Variants in GRIN2A observed in about 807,000 individuals in gnomAD.
GRIN2A encodes the protein glutamate ionotropic receptor NMDA type subunit 2A.
GRIN2A carries 22 observed loss-of-function variants against 113.4 expected under a neutral mutation model. That is an observed-to-expected ratio of 0.19 (90% CI 0.14 to 0.28). The LOEUF (loss-of-function observed/expected upper bound fraction) is 0.28. GRIN2A is among the 10% of genes least tolerant of loss of function. GRIN2A has a pLI of 1.00. For synonymous variants in GRIN2A, 827 were observed against 738.4 expected (o/e 1.12, Z -1.94); for missense variants, 1,502 against 1,887.0 (o/e 0.80, Z 3.78).
At chr16:9,897,435 G>A (rs1257695743) in intron 3 of GRIN2A, among the ~76,000 whole-genome samples, 1 of 151,754 alleles carries the variant, frequency 6.6e-6, no homozygotes, top group Non-Finnish European at 1.5e-5. Context: ...ATATAAACGG[G>A]GCCAGAATTG....
intron 2 of GRIN2A, among the ~76,000 whole-genome samples, chr16:9,957,464 T>C (rs976618896): frequency 6.6e-6 from 1 of 152,176 alleles, no homozygotes; most frequent in Non-Finnish European, 1.5e-5. Flanking sequence ...TTTAATAAAC[T>C]TTTTTCATGC....
In GRIN2A at chr16:10,180,709, A is replaced by C. The variant is rs1182282628; in HGVS notation, c.-18-280T>G. The stretch of plus-strand genomic sequence containing the variant: ...TGTCTCCAGGCACTTCCCCATCCCC[A>C]TCTCTGTCCATATCCCCCACCGCAT... On this transcript the variant is annotated intron_variant, in intron 1 of 12. Coordinates refer to ENST00000330684, the MANE Select transcript of GRIN2A (RefSeq NM_001134407.3). This position sits in a 1 kb window ranked among gnomAD's most constrained non-coding sequence, Gnocchi z 7.0. The C allele has an allele frequency of 1.9e-5, 10 of 535,628 alleles. No individual in the cohort carries two copies. The highest frequency in any genetic ancestry group is 8.1e-5 in the African/African-American group (4 of 49,164). 33.2% of individuals were successfully genotyped at this position (535,628 alleles called of 1,614,324 possible).
At chr16:9,800,136 G>A (rs180790848) in intron 10 of GRIN2A, among the ~76,000 whole-genome samples, 44 of 152,018 alleles carry the variant, frequency 2.9e-4, no homozygotes, top group African/African-American at 8.9e-4. Flanking sequence ...CACCACTCCC[G>A]GCTAATTTTT....
intron 2 of GRIN2A, among the ~76,000 whole-genome samples, chr16:10,154,384 T>A (rs1328768356): frequency 6.6e-6 from 1 of 152,188 alleles, no homozygotes; most frequent in Non-Finnish European, 1.5e-5. Context: ...TTAAAGGGCA[T>A]CTCCTGTCAC....
At chr16:9,830,458 T>C (rs1457504504) in intron 8 of GRIN2A, among the ~76,000 whole-genome samples, 1 of 146,260 alleles carries the variant, frequency 6.8e-6, no homozygotes, top group East Asian at 2.0e-4. Flanking sequence ...ATTAGGGTTT[T>C]CAAGTCTTTG....
intron 2 of GRIN2A, among the ~76,000 whole-genome samples, chr16:10,178,369 T>C (rs1236312233): frequency 6.6e-6 from 1 of 152,206 alleles, no homozygotes; most frequent in Non-Finnish European, 1.5e-5. Flanking sequence ...AGATCACACC[T>C]TGGGATCAGA....
At chr16:10,085,840 A>C (rs1348967804) in intron 2 of GRIN2A, among the ~76,000 whole-genome samples, 1 of 152,192 alleles carries the variant, frequency 6.6e-6, no homozygotes, top group African/African-American at 2.4e-5. Context: ...GTTCCATTTA[A>C]TTAGTTGGGG....
At chr16:10,033,185 T>C (rs183267966) in intron 2 of GRIN2A, among the ~76,000 whole-genome samples, 5 of 152,340 alleles carry the variant, frequency 3.3e-5, no homozygotes, top group East Asian at 1.9e-4. Flanking sequence ...CCAAGCAAGA[T>C]TGTACCACAT....
At chr16:9,923,937 G>A (rs2044403996) in intron 3 of GRIN2A, among the ~76,000 whole-genome samples, 1 of 151,824 alleles carries the variant, frequency 6.6e-6, no homozygotes, top group African/African-American at 2.4e-5. Context: ...GACCAGCCTG[G>A]CCAACATGGT....
intron 2 of GRIN2A, among the ~76,000 whole-genome samples, chr16:10,166,470 G>A (rs1301597600): frequency 6.6e-6 from 1 of 152,132 alleles, no homozygotes. Context: ...ACAACCTGTA[G>A]GGGCAGGCAC....
At chr16:9,931,433 A>T (rs1042655159) in intron 3 of GRIN2A, among the ~76,000 whole-genome samples, 5 of 152,174 alleles carry the variant, frequency 3.3e-5, no homozygotes, top group Non-Finnish European at 5.9e-5. Flanking sequence ...ATGTTACAAG[A>T]AGAAGAGATG....
intron 11 of GRIN2A, among the ~76,000 whole-genome samples, chr16:9,788,897 C>G (rs910571010): frequency 1.3e-5 from 2 of 152,006 alleles, no homozygotes; most frequent in Non-Finnish European, 2.9e-5. Flanking sequence ...CACCCACCAC[C>G]ACACCTGGCT....
chr16:10,043,209 A>T (rs1405821467), intron 2 of GRIN2A, among the ~76,000 whole-genome samples: 1 of 152,098 alleles, frequency 6.6e-6, no homozygotes, highest in African/African-American at 2.4e-5. Context: ...CCCCTACTTT[A>T]CAGATGAGGA....
At chr16:9,825,020 G>A (rs2042359719) in intron 9 of GRIN2A, among the ~76,000 whole-genome samples, 2 of 152,078 alleles carry the variant, frequency 1.3e-5, no homozygotes, top group East Asian at 3.9e-4. Flanking sequence ...TTTAGCAAAG[G>A]AAGGGGTAGG....
At chr16:9,977,756 CAT>C (rs2045805358) in intron 2 of GRIN2A, among the ~76,000 whole-genome samples, 1 of 151,892 alleles carries the variant, frequency 6.6e-6, no homozygotes, top group African/African-American at 2.4e-5. Context: ...CACACACACA[CAT>C]ACACACACAC....
intron 2 of GRIN2A, among the ~76,000 whole-genome samples, chr16:10,025,970 G>C (rs1448256048): frequency 6.6e-6 from 1 of 152,230 alleles, no homozygotes; most frequent in Non-Finnish European, 1.5e-5. Flanking sequence ...TTCGTAGCCA[G>C]GGTCCTGGAG....
intron 3 of GRIN2A, among the ~76,000 whole-genome samples, chr16:9,900,449 C>A (rs1336803239): frequency 3.3e-5 from 5 of 152,174 alleles, no homozygotes; most frequent in Non-Finnish European, 7.3e-5. Flanking sequence ...TATATGCTGT[C>A]TTTTGTAATA....
intron 3 of GRIN2A, among the ~76,000 whole-genome samples, chr16:9,903,793 T>C (rs2043979665): frequency 6.6e-6 from 1 of 152,208 alleles, no homozygotes; most frequent in Admixed American, 6.5e-5. Flanking sequence ...AGGACTAATT[T>C]TAAAAAGACA....
intron 2 of GRIN2A, among the ~76,000 whole-genome samples, chr16:10,160,049 T>G (rs2049779751): frequency 6.6e-6 from 1 of 152,222 alleles, no homozygotes; most frequent in Non-Finnish European, 1.5e-5. Flanking sequence ...CACCTTCATT[T>G]TGGTGCAGGG....
Sources: allele counts gnomAD v4.1 joint callset (sites outside exome capture counted in the v4.1 genomes callset), GRCh38; gene constraint gnomAD v4.1.1; non-coding constraint Gnocchi (gnomAD v3.1); transcripts MANE v1.5; gene names NCBI Gene and HGNC (gene_info 2026-07-23, HGNC 2026-07-21).